The following TTC7A variants were observed in gnomAD, a reference collection of about 807,000 sequenced individuals.
TTC7A encodes the protein tetratricopeptide repeat domain 7A.
Under a neutral mutation model 103.7 loss-of-function variants are expected in TTC7A, and 110 were observed. That is an observed-to-expected ratio of 1.06 (90% CI 0.91 to 1.24). The LOEUF is 1.24. TTC7A is among the 50% of genes most tolerant of loss of function. The pLI is 0.00. For synonymous variants in TTC7A, 521 were observed against 467.9 expected, an observed-to-expected ratio of 1.11 and a Z score of -1.47; for missense variants, 1,340 against 1,116.3, an observed-to-expected ratio of 1.20 and a Z score of -2.86.
chr2:46,932,593 GAA>G (rs1380632436), intron 2 of TTC7A, among the ~76,000 whole-genome samples: 1 of 151,874 alleles, frequency 6.6e-6, no homozygotes, highest in Non-Finnish European at 1.5e-5. Context: ...GAAAGAGAAA[GAA>G]AGATTAATAT....
At chr2:46,981,277 A>G (rs1674432004) in intron 5 of TTC7A, among the ~76,000 whole-genome samples, 1 of 151,978 alleles carries the variant, frequency 6.6e-6, no homozygotes, top group African/African-American at 2.4e-5. Flanking sequence ...TAGAGGACAC[A>G]CTGCTTGTAG....
intron 19 of TTC7A, among the ~76,000 whole-genome samples, chr2:47,067,182 G>A (rs796742706): frequency 2.0e-5 from 3 of 152,168 alleles, no homozygotes; most frequent in Admixed American, 6.5e-5. Context: ...TGAATTTTGG[G>A]GGACACATTC....
chr2:47,023,590 G>A, intron 13 of TTC7A, 125 bp downstream of exon 13: 2 of 1,039,564 alleles, frequency 1.9e-6, no homozygotes, highest in Non-Finnish European at 2.9e-6. Context: ...TACAGATGAG[G>A]GAACTGCACA....
intron 16 of TTC7A, among the ~76,000 whole-genome samples, chr2:47,049,431 A>AG (rs1235810348): frequency 6.6e-6 from 1 of 151,304 alleles, no homozygotes; most frequent in African/African-American, 2.4e-5. Context: ...TCCAGGGGCT[A>AG]CCCCTGGAGA....
intron 5 of TTC7A, among the ~76,000 whole-genome samples, chr2:46,985,602 T>G (rs763265768): frequency 1.3e-5 from 2 of 152,204 alleles, no homozygotes; most frequent in Non-Finnish European, 2.9e-5. Context: ...CCCATTTTAC[T>G]GAAGAAAGGA....
rs1242918810 is a variant in TTC7A at position 47,075,256 on chromosome 2, C to T, written c.*1333C>T. ...CCACAGAGGACCCTGGATCCTTTGC[C>T]TCTTCTTGGTTGAAGGATCTCTATG... is the stretch of plus-strand genomic sequence containing the variant. On this transcript the variant is annotated 3_prime_UTR_variant, in exon 20 of 20. Coordinates refer to ENST00000319190, the MANE Select transcript of TTC7A (RefSeq NM_020458.4). 4 of 152,198 alleles carry T rather than the reference C, an allele frequency of 2.6e-5. No homozygotes were observed. The East Asian group carries it at 7.7e-4, about 29-fold the overall frequency. The allele number at this position is 152,198 out of a possible 1,614,324, so 9.4% of individuals were successfully genotyped here.
intron 19 of TTC7A, among the ~76,000 whole-genome samples, chr2:47,067,090 A>G (rs1170976916): frequency 6.6e-6 from 1 of 152,206 alleles, no homozygotes; most frequent in Non-Finnish European, 1.5e-5. Context: ...TCCATTCAGG[A>G]GGGCAAAGCC....
chr2:46,966,318 T>C lies in TTC7A; in HGVS notation c.518-8655T>C, dbSNP rs1375263511. 2.0e-5 allele frequency among the ~76,000 whole-genome samples: 3 copies of C among 152,230 alleles called. No homozygotes were observed. The East Asian group carries it at 5.8e-4, about 29-fold the overall frequency. On this transcript the variant is annotated intron_variant, in intron 3 of 19. Coordinates refer to ENST00000319190, the MANE Select transcript of TTC7A (RefSeq NM_020458.4). ...CATGGCTACACTACGAGCTAGGCATTATTAGTAACTCTATTTTGTATTTGC... is the reference window on the plus strand; with the variant it reads ...CATGGCTACACTACGAGCTAGGCATCATTAGTAACTCTATTTTGTATTTGC...
chr2:47,044,730 T>A (rs1338626308), intron 15 of TTC7A, among the ~76,000 whole-genome samples: 1 of 152,190 alleles, frequency 6.6e-6, no homozygotes. Context: ...GGGGATGCAG[T>A]GAGGAAGAAA....
intron 1 of TTC7A, chr2:46,917,137 C>G (rs1363094264): frequency 2.9e-6 from 2 of 699,720 alleles, no homozygotes; most frequent in Non-Finnish European, 2.6e-6. Flanking sequence ...CCACCCCATC[C>G]CAGAGAAAAA....
Position 47,055,742 on chromosome 2 carries a change from G to T in TTC7A, c.2152+3862G>T, listed in dbSNP as rs376595209. On this transcript the variant is annotated intron_variant, in intron 18 of 19. Transcript: ENST00000319190. ...CCTGAGTCTCAGCTCCCCAGTGCCA[G>T]ACTCCTGTGGTCTGGTGCCGGTGCT... Among the ~76,000 whole-genome samples the T allele has an allele frequency of 2.6e-5, 4 of 152,298 alleles. 1 individual carries two copies. Among genetic ancestry groups the T allele is most frequent in the African/African-American group, 9.6e-5 (4 of 41,566 alleles).
chr2:47,064,927 G>GA (rs1238434906), intron 19 of TTC7A, among the ~76,000 whole-genome samples: 1 of 152,188 alleles, frequency 6.6e-6, no homozygotes, highest in Non-Finnish European at 1.5e-5. Flanking sequence ...AAAACAAACA[G>GA]AACTTTATTA....
At position 47,053,390 on chromosome 2, in the gene TTC7A, A is replaced by G. The variant is rs1260471401; in HGVS notation, c.2152+1510A>G. ...CAGCCCCCACAGCTTCGCACCCATG[A>G]TGGGGGCTTCACCAGCTTTAAGGAA... On this transcript the variant is annotated intron_variant, in intron 18 of 19. Coordinates refer to ENST00000319190, the MANE Select transcript of TTC7A (RefSeq NM_020458.4). Among the ~76,000 whole-genome samples the G allele has an allele frequency of 3.3e-5, 5 of 152,190 alleles. No homozygotes were observed. The East Asian group carries it at 9.6e-4, about 29-fold the overall frequency.
intron 19 of TTC7A, among the ~76,000 whole-genome samples, chr2:47,070,600 G>A (rs765507173): frequency 9.2e-5 from 14 of 152,304 alleles, no homozygotes; most frequent in Non-Finnish European, 1.6e-4. Flanking sequence ...ACCTTGAGGC[G>A]GTTGTGTGGT....
At chr2:46,940,280 C>T (rs71423930), upstream of TTC7A, among the ~76,000 whole-genome samples, 6,273 of 152,290 alleles carry the variant, frequency 0.041, 162 homozygotes, top group Middle Eastern at 0.082. The surrounding 1 kb of genome is among the most constrained non-coding windows in gnomAD (Gnocchi z 4.7). Context: ...TGCCCTGACC[C>T]TGCTGTCTTT....
intron 5 of TTC7A, among the ~76,000 whole-genome samples, chr2:46,985,903 T>C (rs1674961750): frequency 6.6e-6 from 1 of 152,222 alleles, no homozygotes; most frequent in Admixed American, 6.5e-5. Context: ...ACTGCTGATA[T>C]TTTGAGCCAG....
At chr2:46,953,955 G>T (rs745379130) in intron 2 of TTC7A, among the ~76,000 whole-genome samples, 4 of 151,708 alleles carry the variant, frequency 2.6e-5, no homozygotes, top group Non-Finnish European at 5.9e-5. Context: ...GAGCCACTGT[G>T]CCCTGCCAAG....
intron 12 of TTC7A, among the ~76,000 whole-genome samples, chr2:47,022,571 T>A (rs1679409941): frequency 6.6e-6 from 1 of 152,066 alleles, no homozygotes; most frequent in Admixed American, 6.6e-5. Flanking sequence ...GCCACCTACT[T>A]TGATCTTGTA....
At position 46,941,444 on chromosome 2, in the gene TTC7A, C is replaced by G. The variant is rs1670365488; in HGVS notation, c.-98C>G. 1 of 1,338,722 alleles carries G rather than the reference C, an allele frequency of 7.5e-7. No homozygotes were observed. The highest frequency in any genetic ancestry group is 9.7e-7 in the Non-Finnish European group (1 of 1,028,274). 82.9% of individuals were successfully genotyped at this position (1,338,722 alleles called of 1,614,324 possible). A position where few individuals can be genotyped will look rare whatever the true frequency, so the allele number is the denominator to read the frequency against. Reference sequence around the variant, plus strand: ...CGGGCCCCGGCTGCCGTCTGCGCCCCCGTCGACCCCGCCCGCGAGTGCGCC... The same window carrying G: ...CGGGCCCCGGCTGCCGTCTGCGCCCGCGTCGACCCCGCCCGCGAGTGCGCC... On this transcript the variant is annotated 5_prime_UTR_variant, in exon 1 of 20. Coordinates refer to ENST00000319190, the MANE Select transcript of TTC7A (RefSeq NM_020458.4). The surrounding 1 kb of genome is among the most constrained non-coding windows in gnomAD (Gnocchi z 4.2).
Sources: allele counts gnomAD v4.1 joint callset (sites outside exome capture counted in the v4.1 genomes callset), GRCh38; gene constraint gnomAD v4.1.1; non-coding constraint Gnocchi (gnomAD v3.1); transcripts MANE v1.5; gene names NCBI Gene and HGNC (gene_info 2026-07-23, HGNC 2026-07-21).